The following PIGN variants were observed in gnomAD, a reference collection of about 807,000 sequenced individuals.
PIGN encodes the protein GPI ethanolamine phosphate transferase 1.
Under a neutral mutation model 125.4 loss-of-function variants are expected in PIGN, and 117 were observed. That is an observed-to-expected ratio of 0.93 (90% CI 0.80 to 1.09). The LOEUF (loss-of-function observed/expected upper bound fraction) is 1.09. Ranked by LOEUF, PIGN falls within the 50% of genes least tolerant of loss-of-function variation. The pLI, the probability that PIGN is intolerant of heterozygous loss-of-function variation, is 0.00. For missense variants in PIGN, 1,075 were observed against 1,094.9 expected (o/e 0.98, Z 0.26); for synonymous variants, 392 against 377.8 (o/e 1.04, Z -0.44).
chr18:62,070,355 C>G, intron 30 of PIGN: 1 of 398,414 alleles, frequency 2.5e-6, no homozygotes, highest in Non-Finnish European at 4.4e-6. Context: ...CAAATGAAAA[C>G]CAAATCAATT....
At chr18:62,108,339 T>A (rs944285576) in intron 17 of PIGN, among the ~76,000 whole-genome samples, 7 of 152,136 alleles carry the variant, frequency 4.6e-5, no homozygotes, top group African/African-American at 1.7e-4. Flanking sequence ...GTTTTCTTCA[T>A]AATTAGGACA....
chr18:62,125,461 T>A (rs970169513), intron 14 of PIGN, among the ~76,000 whole-genome samples: 3 of 152,062 alleles, frequency 2.0e-5, no homozygotes, highest in Non-Finnish European at 4.4e-5. Flanking sequence ...GGCTTTCCAT[T>A]TTTTTGATTA....
At chr18:62,087,803 A>G (rs2033776229) in intron 25 of PIGN, among the ~76,000 whole-genome samples, 1 of 152,186 alleles carries the variant, frequency 6.6e-6, no homozygotes, top group Non-Finnish European at 1.5e-5. Flanking sequence ...CAGCTAGCAA[A>G]AGTAAAATAG....
At chr18:62,026,955 C>A (rs149775958) in intron 23 of PIGN, among the ~76,000 whole-genome samples, 2,129 of 152,286 alleles carry the variant, frequency 0.014, 25 homozygotes, top group Middle Eastern at 0.061. Flanking sequence ...GTAATTCCAG[C>A]ACTTTAAGAG....
At chr18:62,150,788 C>T (rs1230315872) in intron 7 of PIGN, among the ~76,000 whole-genome samples, 1 of 152,126 alleles carries the variant, frequency 6.6e-6, no homozygotes, top group Non-Finnish European at 1.5e-5. Flanking sequence ...CAACCTCCAC[C>T]TCCCGGGTTC....
chr18:62,109,026 T>C (rs1316604889), intron 17 of PIGN, among the ~76,000 whole-genome samples: 2 of 152,212 alleles, frequency 1.3e-5, no homozygotes, highest in African/African-American at 4.8e-5. Flanking sequence ...ACCCTTATTA[T>C]AATAGGCTCT....
At chr18:62,024,868 T>C (rs1291727750) in intron 23 of PIGN, among the ~76,000 whole-genome samples, 1 of 152,174 alleles carries the variant, frequency 6.6e-6, no homozygotes, top group Non-Finnish European at 1.5e-5. Flanking sequence ...TATGATCATA[T>C]ATGTGCTCCA....
At chr18:62,075,761 G>A (rs2033138803) in intron 28 of PIGN, 1 of 152,150 alleles carries the variant, frequency 6.6e-6, no homozygotes, top group African/African-American at 2.4e-5. Context: ...AGCATGTTTA[G>A]TTTCATAAGA....
intron 22 of PIGN, among the ~76,000 whole-genome samples, chr18:62,098,589 A>G (rs985353665): frequency 5.9e-5 from 9 of 152,164 alleles, no homozygotes; most frequent in African/African-American, 1.2e-4. Flanking sequence ...AGTAGAACCA[A>G]TTTCAAAATA....
chr18:62,094,581 T>C (rs1382757751), intron 23 of PIGN, among the ~76,000 whole-genome samples: 1 of 152,196 alleles, frequency 6.6e-6, no homozygotes, highest in Non-Finnish European at 1.5e-5. Context: ...AAATTATTTA[T>C]CCTGAAATTT....
intron 28 of PIGN, among the ~76,000 whole-genome samples, chr18:62,079,591 G>C (rs1176822804): frequency 2.0e-5 from 3 of 151,762 alleles, no homozygotes; most frequent in Admixed American, 1.3e-4. Context: ...ATTGTAGAAG[G>C]CTAAAACCAC....
chr18:62,081,291 G>A lies in PIGN; in HGVS notation c.2576+1382C>T, dbSNP rs1599472856. 2.0e-5 allele frequency among the ~76,000 whole-genome samples: 3 copies of A among 152,152 alleles called. No homozygotes were observed. The South Asian group carries it at 6.2e-4, about 31-fold the overall frequency. On this transcript the variant is annotated intron_variant, in intron 28 of 30. Coordinates refer to ENST00000640252, the MANE Select transcript of PIGN (RefSeq NM_176787.5). ...GATGATATCAGTGATTATTTGGTAA[G>A]CAGTATGGCAGTAAGGGTGGCTGGA...
chr18:62,076,499 C>T (rs2033180424), intron 28 of PIGN, among the ~76,000 whole-genome samples: 1 of 152,232 alleles, frequency 6.6e-6, no homozygotes, highest in African/African-American at 2.4e-5. Context: ...ACTTTTAATT[C>T]TGAAGAAGTC....
intron 14 of PIGN, 49 bp downstream of exon 14, chr18:62,138,194 A>G (rs1312473871): frequency 1.3e-6 from 2 of 1,536,866 alleles, no homozygotes; most frequent in Admixed American, 2.1e-5. Flanking sequence ...TTGCAAACTC[A>G]GTGGAAAATT....
chr18:62,145,684 AAAGTC>A (rs1313015912), intron 10 of PIGN, among the ~76,000 whole-genome samples: 3 of 152,182 alleles, frequency 2.0e-5, no homozygotes, highest in Non-Finnish European at 4.4e-5. Context: ...AGACATTCAG[AAAGTC>A]TAGTTATTAG....
At chr18:62,152,869 T>TATA (rs1491326538) in intron 7 of PIGN, among the ~76,000 whole-genome samples, 3 of 11,602 alleles carry the variant, frequency 2.6e-4, no homozygotes, top group African/African-American at 7.5e-4. Context: ...TATATATATA[T>TATA]TTTTTTTTTT....
At position 62,105,545 on chromosome 18, in the gene PIGN, T is replaced by A; in HGVS notation, c.1857A>T (p.Leu619=). 1 of 1,506,384 alleles carries A rather than the reference T, an allele frequency of 6.6e-7. No homozygotes were observed. Among genetic ancestry groups the A allele is most frequent in the Middle Eastern group, 1.7e-4 (1 of 5,890 alleles). 93.3% of individuals were successfully genotyped at this position (1,506,384 alleles called of 1,614,324 possible). A position where few individuals can be genotyped will look rare whatever the true frequency, so the allele number is the denominator to read the frequency against. Residue 619 remains leucine, a splice_region_variant and synonymous_variant, in exon 20 of 31, where the codon CTA becomes CTT. Transcript: ENST00000640252. ...PVVGRKPDIS[L]VMGAGLLVLL... is the part of the protein sequence containing the mutation. ...ATAAAATACAATATTATTCATACAC[T>A]AGAGAGATGTCTGGCTTTCGACCTA... is the stretch of plus-strand genomic sequence containing the variant.
intron 25 of PIGN, 156 bp downstream of exon 25, chr18:62,088,600 A>T (rs1041870587): frequency 1.9e-6 from 1 of 540,510 alleles, no homozygotes; most frequent in Non-Finnish European, 3.3e-6. Flanking sequence ...TAGTTCAAAA[A>T]AATTTTTAAT....
intron 14 of PIGN, among the ~76,000 whole-genome samples, chr18:62,125,350 A>G (rs1388594220): frequency 2.0e-5 from 3 of 152,088 alleles, no homozygotes; most frequent in African/African-American, 4.8e-5. Flanking sequence ...GTTGATGATT[A>G]TATTATAAAC....
Sources: gnomAD v4.1 joint callset for allele counts (sites outside exome capture counted in the v4.1 genomes callset) on GRCh38, gnomAD v4.1.1 for gene constraint, MANE v1.5 for transcripts, NCBI Gene and HGNC (gene_info 2026-07-23, HGNC 2026-07-21) for gene names.